Variants in MEGF6 observed in about 807,000 individuals in gnomAD.
MEGF6 encodes the protein multiple EGF like domains 6.
Under a neutral mutation model 207.1 loss-of-function variants are expected in MEGF6, and 184 were observed. The observed-to-expected ratio is 0.89, with a 90% CI of 0.79 to 1.00. MEGF6 has a LOEUF of 1.00. MEGF6 is among the 50% of genes least tolerant of loss of function. The pLI is 0.00. For synonymous variants in MEGF6, 1,038 were observed against 910.0 expected (o/e 1.14, Z -2.53); for missense variants, 2,282 against 2,202.9 (o/e 1.04, Z -0.72).
At chr1:3,494,998 C>T (rs953407443) in intron 30 of MEGF6, among the ~76,000 whole-genome samples, 2 of 152,180 alleles carry the variant, frequency 1.3e-5, no homozygotes, top group African/African-American at 2.4e-5. Flanking sequence ...GCTGGGTGAG[C>T]GCCTGCCCAG....
At chr1:3,490,827 C>A (rs1253132886) in intron 36 of MEGF6, 85 bp downstream of exon 36, 5 of 1,494,588 alleles carry the variant, frequency 3.3e-6, no homozygotes, top group Non-Finnish European at 4.6e-6. Context: ...CCCTGTGGGG[C>A]CCAGATTATA....
chr1:3,493,721 C>T, intron 34 of MEGF6, 50 bp downstream of exon 34: 1 of 1,592,398 alleles, frequency 6.3e-7, no homozygotes, highest in Non-Finnish European at 8.6e-7. Flanking sequence ...ATATTGGTCA[C>T]TGATGGAGAC....
chr1:3,580,466 A>C (rs543118149), intron 3 of MEGF6, among the ~76,000 whole-genome samples: 1 of 152,276 alleles, frequency 6.6e-6, no homozygotes, highest in Non-Finnish European at 1.5e-5. Context: ...AAGTGTTGAC[A>C]GCGGCTGCCC....
At chr1:3,584,206 A>G (rs574217264) in intron 3 of MEGF6, among the ~76,000 whole-genome samples, 36 of 152,260 alleles carry the variant, frequency 2.4e-4, no homozygotes, top group African/African-American at 8.2e-4. Flanking sequence ...AATGCCCCCC[A>G]CTTTCTCACA....
intron 1 of MEGF6, among the ~76,000 whole-genome samples, chr1:3,603,912 G>A (rs1292935668): frequency 6.6e-6 from 1 of 152,216 alleles, no homozygotes; most frequent in Non-Finnish European, 1.5e-5. Flanking sequence ...CGTGCTGTGT[G>A]GGAAGCCCTG....
At chr1:3,508,885 G>A (rs1449551609) in intron 12 of MEGF6, among the ~76,000 whole-genome samples, 190 bp downstream of exon 12, 1 of 152,184 alleles carries the variant, frequency 6.6e-6, no homozygotes, top group Non-Finnish European at 1.5e-5. Context: ...GCCCGGTCCC[G>A]CCCGGCTCAG....
At chr1:3,505,114 G>T in intron 17 of MEGF6, 94 bp downstream of exon 17, 1 of 1,506,590 alleles carries the variant, frequency 6.6e-7, no homozygotes, top group Non-Finnish European at 8.9e-7. Flanking sequence ...GATAGTGACA[G>T]CTGTGCAGCC....
chr1:3,609,698 G>C (rs1479321014), intron 1 of MEGF6, among the ~76,000 whole-genome samples: 1 of 152,170 alleles, frequency 6.6e-6, no homozygotes, highest in Non-Finnish European at 1.5e-5. Context: ...TTTGCCCCAG[G>C]GTCACGAAGG....
Position 3,499,930 on chromosome 1 carries a change from A to T in MEGF6, c.2708-6T>A. The T allele has an allele frequency of 6.4e-7, 1 of 1,557,880 alleles. No individual in the cohort carries two copies. The highest frequency in any genetic ancestry group is 1.4e-5 in the African/African-American group (1 of 73,582). The stretch of plus-strand genomic sequence containing the variant: ...AAAGTGGCCCTGGGGACACTCTGAG[A>T]TATGCAGCCCCGGCCCACAGTCAGC... On this transcript the variant is annotated splice_region_variant and splice_polypyrimidine_tract_variant and intron_variant, in intron 21 of 36. Coordinates refer to ENST00000356575, the MANE Select transcript of MEGF6 (RefSeq NM_001409.4).
chr1:3,504,377 G>T (rs1033141732), intron 17 of MEGF6, among the ~76,000 whole-genome samples: 2 of 152,026 alleles, frequency 1.3e-5, no homozygotes, highest in African/African-American at 4.8e-5. Flanking sequence ...TGACACACTC[G>T]GGTATTTCCT....
chr1:3,561,522 C>T (rs772802546), intron 4 of MEGF6, among the ~76,000 whole-genome samples: 16 of 152,234 alleles, frequency 1.1e-4, no homozygotes, highest in Admixed American at 2.6e-4. Flanking sequence ...TTCCTGCAGA[C>T]ACCAGGCCTG....
chr1:3,622,056 T>C, the MEGF6 span, among the ~76,000 whole-genome samples: 1 of 152,194 alleles, frequency 6.6e-6, no homozygotes, highest in Non-Finnish European at 1.5e-5. Flanking sequence ...TGTGGACTTT[T>C]GAGTTAATGC....
In MEGF6 at chr1:3,494,435, C is replaced by T. The variant is rs779389173; in HGVS notation, c.4065G>A (p.Thr1355=). The part of the protein sequence containing the change: ...HLECSCHNNS[T]CEPATGTCRC... The stretch of plus-strand genomic sequence containing the variant: ...GGCAGGTGCCCGTGGCAGGCTCACA[C>T]GTGCTGTTGTTGTGGCAGGAGCACT... Residue 1355 remains threonine (T), a synonymous_variant, in exon 32 of 37, where the codon ACG becomes ACA. Coordinates refer to ENST00000356575, the MANE Select transcript of MEGF6 (RefSeq NM_001409.4). The T allele has an allele frequency of 1.7e-5, 26 of 1,561,432 alleles. No individual in the cohort carries two copies. Among genetic ancestry groups the T allele is most frequent in the East Asian group, 7.2e-5 (3 of 41,766 alleles).
chr1:3,508,125 G>A (rs1452006532), intron 13 of MEGF6, among the ~76,000 whole-genome samples: 2 of 152,168 alleles, frequency 1.3e-5, no homozygotes, highest in African/African-American at 4.8e-5. Flanking sequence ...AGCAGAGAGA[G>A]GAGTCTCCTC....
At chr1:3,614,102 G>C (rs1020983017), upstream of MEGF6, among the ~76,000 whole-genome samples, 6 of 152,190 alleles carry the variant, frequency 3.9e-5, no homozygotes, top group Non-Finnish European at 7.4e-5. Context: ...GCAATCCACC[G>C]GGGAGGTCTG....
At chr1:3,572,226 C>G (rs1455525632) in intron 4 of MEGF6, among the ~76,000 whole-genome samples, 4 of 131,108 alleles carry the variant, frequency 3.1e-5, no homozygotes, top group African/African-American at 1.2e-4. Flanking sequence ...GTGCTAGGTC[C>G]TTCCCGAGTG....
chr1:3,586,804 C>T (rs747494467), intron 3 of MEGF6, among the ~76,000 whole-genome samples: 10 of 152,324 alleles, frequency 6.6e-5, no homozygotes, highest in Non-Finnish European at 1.3e-4. Context: ...GCCCAGATGA[C>T]CCAGGAGGGG....
the MEGF6 span, among the ~76,000 whole-genome samples, chr1:3,621,195 C>A: frequency 6.6e-6 from 1 of 152,328 alleles, no homozygotes; most frequent in Admixed American, 6.5e-5. Context: ...TCTCTAAACT[C>A]CCCTGGGGAA....
In MEGF6 at chr1:3,513,714, C is replaced by T. The variant is rs899187634; in HGVS notation, c.853+836G>A. Among the ~76,000 whole-genome samples, 11 of 150,018 alleles carry T rather than the reference C, an allele frequency of 7.3e-5. 1 individual carries two copies. The highest frequency in any genetic ancestry group is 2.7e-4 in the Admixed American group (4 of 15,004). On this transcript the variant is annotated intron_variant, in intron 7 of 36. Coordinates refer to ENST00000356575, the MANE Select transcript of MEGF6 (RefSeq NM_001409.4). Reference sequence around the variant, plus strand: ...CAAGTGATCTTCCTGCCTCAGATTCCGGAGTAGCTAGGACTCCAGACAGCA... The same window carrying T: ...CAAGTGATCTTCCTGCCTCAGATTCTGGAGTAGCTAGGACTCCAGACAGCA...
Sources: gnomAD v4.1 joint callset for allele counts (sites outside exome capture counted in the v4.1 genomes callset) on GRCh38, gnomAD v4.1.1 for gene constraint, MANE v1.5 for transcripts, NCBI Gene and HGNC (gene_info 2026-07-23, HGNC 2026-07-21) for gene names.